Variants in MAP2 observed in about 807,000 individuals in gnomAD.
The protein encoded by MAP2 is microtubule associated protein 2.
MAP2 carries 14 observed loss-of-function variants against 137.6 expected under a neutral mutation model. The observed-to-expected ratio is 0.10, with a 90% CI of 0.07 to 0.16. The LOEUF (loss-of-function observed/expected upper bound fraction) is 0.16, where lower values mean the gene tolerates loss of function less well. MAP2 is among the 10% of genes least tolerant of loss of function. The pLI is 1.00. For missense variants in MAP2, 2,088 were observed against 2,191.5 expected (o/e 0.95, Z 0.94); for synonymous variants, 786 against 782.3 (o/e 1.00, Z -0.08).
rs537583953 is a variant in MAP2, at chr2:209,662,887, A to C, written c.262+9455A>C. ...GATAAAAAATCTAATACTTTTGAAC[A>C]AATAAATTGCTCAAATATCTTGAGA... is the stretch of plus-strand genomic sequence containing the variant. On this transcript the variant is annotated intron_variant, in intron 5 of 15. Transcript: ENST00000682079. 6.6e-5 allele frequency among the ~76,000 whole-genome samples: 10 copies of C among 152,312 alleles called. No homozygotes were observed. The South Asian group carries it at 2.1e-3, about 32-fold the overall frequency.
In MAP2 at chr2:209,495,414, A is replaced by G. The variant is rs2059630004; in HGVS notation, c.-221-12178A>G. On this transcript the variant is annotated intron_variant, in intron 1 of 15. Transcript: ENST00000682079. ...GGGAGATACCTCCCAGTAGGGGATG[A>G]CAGACATCTCATACGGGAGAGCTCC... 3.3e-5 allele frequency among the ~76,000 whole-genome samples: 5 copies of G among 152,246 alleles called. No homozygotes were observed. In the South Asian group the frequency reaches 8.3e-4, roughly 25 times the overall value.
At chr2:209,540,560 G>A (rs746850222) in intron 2 of MAP2, among the ~76,000 whole-genome samples, 84 of 138,162 alleles carry the variant, frequency 6.1e-4, no homozygotes, top group Non-Finnish European at 1.0e-3. Flanking sequence ...GAACCCAGGA[G>A]GCGGAGGTTG....
intron 5 of MAP2, among the ~76,000 whole-genome samples, chr2:209,659,731 G>A (rs1481046195): frequency 4.0e-5 from 6 of 149,140 alleles, no homozygotes; most frequent in Admixed American, 6.6e-5. Context: ...GTGAACACTA[G>A]TAAAAAAAAA....
intron 7 of MAP2, 69 bp from the exon 8 acceptor site, chr2:209,692,556 A>T (rs915244312): frequency 6.7e-7 from 1 of 1,481,556 alleles, no homozygotes; most frequent in African/African-American, 1.4e-5. Context: ...ACTTCAAAAT[A>T]TAATTTTAAG....
intron 1 of MAP2, among the ~76,000 whole-genome samples, chr2:209,433,108 G>A (rs1006416218): frequency 6.6e-6 from 1 of 152,004 alleles, no homozygotes. Context: ...TTCTGAATGT[G>A]GAAAATATCA....
intron 2 of MAP2, among the ~76,000 whole-genome samples, chr2:209,518,546 TG>T (rs1169717022): frequency 6.6e-6 from 1 of 152,106 alleles, no homozygotes; most frequent in African/African-American, 2.4e-5. Context: ...AGTTTTACTT[TG>T]GATCTGTATT....
At chr2:209,539,358 T>C (rs969295213) in intron 2 of MAP2, among the ~76,000 whole-genome samples, 3 of 152,228 alleles carry the variant, frequency 2.0e-5, no homozygotes, top group Admixed American at 6.5e-5. Flanking sequence ...TTACCTCTGC[T>C]CCTTCACAAT....
intron 12 of MAP2, among the ~76,000 whole-genome samples, chr2:209,709,597 C>T (rs1584244185): frequency 6.6e-6 from 1 of 151,972 alleles, no homozygotes; most frequent in African/African-American, 2.4e-5. Flanking sequence ...AAGGCAGATC[C>T]ATTTGCCTTA....
At chr2:209,440,791 C>G (rs763052463) in intron 1 of MAP2, among the ~76,000 whole-genome samples, 3 of 151,354 alleles carry the variant, frequency 2.0e-5, no homozygotes, top group Non-Finnish European at 4.4e-5. Context: ...TATTAAGAAC[C>G]AGTTATGAGT....
At chr2:209,721,718 G>C (rs1467137190) in intron 13 of MAP2, among the ~76,000 whole-genome samples, 2 of 152,150 alleles carry the variant, frequency 1.3e-5, no homozygotes, top group African/African-American at 4.8e-5. Context: ...CAGATTTCAT[G>C]TTTGGCTTGT....
chr2:209,720,638 CAAAAAAAA>C (rs3036697), intron 13 of MAP2, among the ~76,000 whole-genome samples: 1 of 72,804 alleles, frequency 1.4e-5, no homozygotes, highest in Non-Finnish European at 2.8e-5. Flanking sequence ...TACTTGGTCT[CAAAAAAAA>C]AAAAAAAAAA....
chr2:209,576,945 C>T (rs925157718), intron 2 of MAP2, among the ~76,000 whole-genome samples: 4 of 152,052 alleles, frequency 2.6e-5, no homozygotes, highest in African/African-American at 9.7e-5. Flanking sequence ...ACTAGGTATC[C>T]CTAAATATTA....
chr2:209,506,463 A>T (rs1160185675), intron 1 of MAP2, among the ~76,000 whole-genome samples: 3 of 152,148 alleles, frequency 2.0e-5, no homozygotes, highest in African/African-American at 7.2e-5. Flanking sequence ...TATCCAGTTA[A>T]CTCACAAACA....
At chr2:209,553,922 C>A (rs372584476) in intron 2 of MAP2, among the ~76,000 whole-genome samples, 2 of 152,258 alleles carry the variant, frequency 1.3e-5, no homozygotes, top group East Asian at 3.9e-4. Context: ...AATACTACTC[C>A]TGTGGCCAGT....
intron 2 of MAP2, among the ~76,000 whole-genome samples, chr2:209,559,661 A>T (rs1042342118): frequency 1.2e-4 from 18 of 152,198 alleles, no homozygotes; most frequent in Non-Finnish European, 2.5e-4. Context: ...AAAAAAATAA[A>T]GAGAAAAACC....
At chr2:209,451,032 G>C (rs1700187409) in intron 1 of MAP2, among the ~76,000 whole-genome samples, 1 of 151,984 alleles carries the variant, frequency 6.6e-6, no homozygotes, top group African/African-American at 2.4e-5. Flanking sequence ...CTTCTGCTGG[G>C]TATGTAAAGA....
At chr2:209,521,157 T>C (rs1460378759) in intron 2 of MAP2, among the ~76,000 whole-genome samples, 1 of 152,084 alleles carries the variant, frequency 6.6e-6, no homozygotes, top group African/African-American at 2.4e-5. Context: ...ACTAAACAAA[T>C]GCTTTCTTGA....
At chr2:209,617,292 T>C (rs2089807029) in intron 3 of MAP2, among the ~76,000 whole-genome samples, 1 of 152,072 alleles carries the variant, frequency 6.6e-6, no homozygotes, top group African/African-American at 2.4e-5. Context: ...GCCCCAACAT[T>C]AGCCAATGAG....
At chr2:209,489,652 G>T (rs1488130053) in intron 1 of MAP2, among the ~76,000 whole-genome samples, 1 of 152,114 alleles carries the variant, frequency 6.6e-6, no homozygotes, top group Non-Finnish European at 1.5e-5. Flanking sequence ...GCATACACAA[G>T]TATCAGTAGC....
Sources: allele counts gnomAD v4.1 joint callset (sites outside exome capture counted in the v4.1 genomes callset), GRCh38; gene constraint gnomAD v4.1.1; transcripts MANE v1.5; gene names NCBI Gene and HGNC (gene_info 2026-07-23, HGNC 2026-07-21).